PCDHGA7: variants seen among roughly 807,000 people sequenced by gnomAD.
PCDHGA7 encodes protocadherin gamma subfamily A, 7.
PCDHGA7 carries 44 observed loss-of-function variants against 58.3 expected under a neutral mutation model. The observed-to-expected ratio is 0.75, with a 90% CI of 0.59 to 0.97. The LOEUF (loss-of-function observed/expected upper bound fraction) is 0.97, where lower values mean the gene tolerates loss of function less well. Among genes scored for constraint, PCDHGA7 ranks in the 50% least tolerant of loss-of-function variants. The pLI is 0.00. For missense variants in PCDHGA7, 1,266 were observed against 1,188.7 expected, an observed-to-expected ratio of 1.06 and a Z score of -0.96; for synonymous variants, 516 against 504.2, an observed-to-expected ratio of 1.02 and a Z score of -0.31.
chr5:141,446,256 T>C lies in PCDHGA7; in HGVS notation c.2425-48551T>C, dbSNP rs535879308. On this transcript the variant is annotated intron_variant, in intron 1 of 3. Transcript: ENST00000518325. Reference sequence around the variant, plus strand: ...CAAGTGGTAGATCTTCAGTGAAATATTATTAACTGAATAAATACAATGGAT... The same window carrying C: ...CAAGTGGTAGATCTTCAGTGAAATACTATTAACTGAATAAATACAATGGAT... Among the ~76,000 whole-genome samples the C allele has an allele frequency of 2.0e-5, 3 of 152,310 alleles. No homozygotes were observed. The East Asian group carries it at 5.8e-4, about 29-fold the overall frequency.
intron 1 of PCDHGA7, chr5:141,418,015 G>C: frequency 6.2e-7 from 1 of 1,613,964 alleles, no homozygotes; most frequent in Non-Finnish European, 8.5e-7. Context: ...ACCTCGCTAA[G>C]GATCTAGGGC....
At position 141,477,938 on chromosome 5, in the gene PCDHGA7, T is replaced by C. The variant is rs1441443411; in HGVS notation, c.2425-16869T>C. The stretch of plus-strand genomic sequence containing the variant: ...TGCAGGGCACAATGCCTGGCTCTCC[T>C]ACAGTCTCTTGGGATCCCCTAACCA... On this transcript the variant is annotated intron_variant, in intron 1 of 3. Transcript: ENST00000518325. The surrounding 1 kb of genome is among the most constrained non-coding windows in gnomAD (Gnocchi z 4.9). The C allele has an allele frequency of 3.1e-6, 5 of 1,614,036 alleles. No homozygotes were observed. The highest frequency in any genetic ancestry group is 4.2e-6 in the Non-Finnish European group (5 of 1,180,030).
intron 1 of PCDHGA7, chr5:141,399,842 A>T (rs749737928): frequency 6.2e-7 from 1 of 1,612,970 alleles, no homozygotes; most frequent in South Asian, 1.1e-5. Context: ...GCGCTCTTCG[A>T]TATGGTGCCG....
chr5:141,387,194 G>T (rs867598874), intron 1 of PCDHGA7, among the ~76,000 whole-genome samples: 1 of 152,178 alleles, frequency 6.6e-6, no homozygotes, highest in Non-Finnish European at 1.5e-5. Flanking sequence ...GGCAATTTTG[G>T]TATTACTGAT....
At chr5:141,425,214 A>G (rs999893857) in intron 1 of PCDHGA7, among the ~76,000 whole-genome samples, 2 of 152,178 alleles carry the variant, frequency 1.3e-5, no homozygotes, top group Non-Finnish European at 2.9e-5. Context: ...AAGGCATTGT[A>G]CTTTGACTGG....
At position 141,485,135 on chromosome 5, in the gene PCDHGA7, G is replaced by A; in HGVS notation, c.2425-9672G>A. 6.7e-7 allele frequency: 1 copy of A among 1,500,498 alleles called. No individual in the cohort carries two copies. Among genetic ancestry groups the A allele is most frequent in the East Asian group, 2.3e-5 (1 of 44,254 alleles). 92.9% of individuals were successfully genotyped at this position (1,500,498 alleles called of 1,614,324 possible). A position where few individuals can be genotyped will look rare whatever the true frequency, so the allele number is the denominator to read the frequency against. On this transcript the variant is annotated intron_variant, in intron 1 of 3. Coordinates refer to ENST00000518325, the MANE Select transcript of PCDHGA7 (RefSeq NM_018920.4). The surrounding 1 kb of genome is among the most constrained non-coding windows in gnomAD (Gnocchi z 5.7). ...TGTTTGGGGCGGGTCGGCTTCATCCGCGTCTCAGGAGCAAGTAGAGAATTA... is the reference window on the plus strand; with the variant it reads ...TGTTTGGGGCGGGTCGGCTTCATCCACGTCTCAGGAGCAAGTAGAGAATTA...
Position 141,511,156 on chromosome 5 carries a change from A to G in PCDHGA7, c.2782A>G (p.Lys928Glu), listed in dbSNP as rs2099883637. 6.2e-7 allele frequency: 1 copy of G among 1,614,080 alleles called. No individual in the cohort carries two copies. The highest frequency in any genetic ancestry group is 1.3e-5 in the African/African-American group (1 of 74,940). Residue 928 changes from lysine (K) to glutamate (E), a missense_variant, in exon 4 of 4, where the codon AAG (lysine) becomes GAG (glutamate). By Grantham distance (56) the Lys-to-Glu change is moderately conservative (BLOSUM62 1). Transcript: ENST00000518325. ...CAATGGCAACAAGAAGAAGTCGGGC[A>G]AGAAGGAGAAGAAGTAACATGGAGG... is the stretch of plus-strand genomic sequence containing the variant. ...GGNGNKKKSG[K>E]KEKK
rs11410533 is a variant in PCDHGA7, at chr5:141,429,387, TA to T, written c.2424+44072del. ...AAATGGAGAAAATGTGTTTTTTTTT[TA>T]AAAAAAATTGAGATTAAGGTCTCAT... On this transcript the variant is annotated intron_variant, in intron 1 of 3. Transcript: ENST00000518325. Among the ~76,000 whole-genome samples, 10 of 151,446 alleles carry T rather than the reference TA, an allele frequency of 6.6e-5. No individual in the cohort carries two copies. In the South Asian group the frequency reaches 1.0e-3, roughly 16 times the overall value.
In PCDHGA7 at chr5:141,491,908, G is replaced by T; in HGVS notation, c.2425-2899G>T. ...GGGGCTCCGAGCACCGGGGGTGGTG[G>T]CGACTGTGGGCGAGGGGAGGTGGGA... On this transcript the variant is annotated intron_variant, in intron 1 of 3. Transcript: ENST00000518325. The surrounding 1 kb of genome is among the most constrained non-coding windows in gnomAD (Gnocchi z 6.9). 7.1e-7 allele frequency: 1 copy of T among 1,408,288 alleles called. No homozygotes were observed. Among genetic ancestry groups the T allele is most frequent in the Non-Finnish European group, 9.4e-7 (1 of 1,060,836 alleles). The allele number at this position is 1,408,288 out of a possible 1,614,324, so 87.2% of individuals were successfully genotyped here. A position where few individuals can be genotyped will look rare whatever the true frequency, so the allele number is the denominator to read the frequency against.
At chr5:141,436,384 CT>C (rs768914860) in intron 1 of PCDHGA7, among the ~76,000 whole-genome samples, 1 of 152,104 alleles carries the variant, frequency 6.6e-6, no homozygotes, top group Non-Finnish European at 1.5e-5. Context: ...GCTGAATAGG[CT>C]TTATTAAATA....
At chr5:141,419,017 A>G (rs1478763916) in intron 1 of PCDHGA7, 4 of 1,613,928 alleles carry the variant, frequency 2.5e-6, no homozygotes, top group Non-Finnish European at 3.4e-6. Flanking sequence ...GGTGTAGCTT[A>G]AGTAGAGGTG....
At chr5:141,475,315 A>G (rs766425496) in intron 1 of PCDHGA7, among the ~76,000 whole-genome samples, 2 of 152,182 alleles carry the variant, frequency 1.3e-5, no homozygotes, top group Non-Finnish European at 2.9e-5. Flanking sequence ...CCTGGTTCTT[A>G]AGAAATGAGA....
At chr5:141,410,807 T>C in intron 1 of PCDHGA7, 1 of 647,592 alleles carries the variant, frequency 1.5e-6, no homozygotes, top group Non-Finnish European at 2.4e-6. Flanking sequence ...CTCTATCTTT[T>C]TGTAAAATAA....
At chr5:141,423,755 G>GT (rs542747697) in intron 1 of PCDHGA7, 5 of 512,416 alleles carry the variant, frequency 9.8e-6, no homozygotes, top group Admixed American at 7.1e-5. Context: ...CTGTTTGGGG[G>GT]GGGGGTGGGG....
chr5:141,419,177 C>T (rs1223789288), intron 1 of PCDHGA7: 8 of 1,613,862 alleles, frequency 5.0e-6, no homozygotes, highest in Admixed American at 1.7e-5. Flanking sequence ...AACCATAACC[C>T]TGCACATTAC....
chr5:141,472,733 C>T (rs1450872513), intron 1 of PCDHGA7, among the ~76,000 whole-genome samples: 2 of 151,996 alleles, frequency 1.3e-5, no homozygotes, highest in Non-Finnish European at 2.9e-5. Context: ...CACCTGTAAT[C>T]CCAGCACTTT....
intron 3 of PCDHGA7, among the ~76,000 whole-genome samples, chr5:141,510,538 G>A (rs1423013528): frequency 1.3e-5 from 2 of 152,216 alleles, no homozygotes; most frequent in East Asian, 1.9e-4. Context: ...AAATACCAGC[G>A]AATGTGTTTT....
At position 141,432,898 on chromosome 5, in the gene PCDHGA7, G is replaced by C. The variant is rs746913952; in HGVS notation, c.2424+47575G>C. ...TGGCCTTCGTCATCTTGCTGCTGGC[G>C]CTCAGGCTGCGGCGCTGGCACAAGT... On this transcript the variant is annotated intron_variant, in intron 1 of 3. Coordinates refer to ENST00000518325, the MANE Select transcript of PCDHGA7 (RefSeq NM_018920.4). The surrounding 1 kb of genome is among the most constrained non-coding windows in gnomAD (Gnocchi z 6.0). 28 of 1,614,056 alleles carry C rather than the reference G, an allele frequency of 1.7e-5. No individual in the cohort carries two copies. In the African/African-American group the frequency reaches 2.4e-4, roughly 14 times the overall value.
chr5:141,476,711 G>C lies in PCDHGA7; in HGVS notation c.2425-18096G>C. 1 of 1,614,194 alleles carries C rather than the reference G, an allele frequency of 6.2e-7. No individual in the cohort carries two copies. The highest frequency in any genetic ancestry group is 8.5e-7 in the Non-Finnish European group (1 of 1,180,042). On this transcript the variant is annotated intron_variant, in intron 1 of 3. Coordinates refer to ENST00000518325, the MANE Select transcript of PCDHGA7 (RefSeq NM_018920.4). This position sits in a 1 kb window ranked among gnomAD's most constrained non-coding sequence, Gnocchi z 7.6. ...CACCAAGTACGCGGAGCTGGTGTTG[G>C]AGCGCGCCCTGGACCGAGAACGGGA...
Sources: allele counts gnomAD v4.1 joint callset (sites outside exome capture counted in the v4.1 genomes callset), GRCh38; gene constraint gnomAD v4.1.1; non-coding constraint Gnocchi (gnomAD v3.1); transcripts MANE v1.5; gene names NCBI Gene and HGNC (gene_info 2026-07-23, HGNC 2026-07-21).